FRMD4A: variants seen among roughly 807,000 people sequenced by gnomAD.
FRMD4A encodes the protein FERM domain-containing protein 4A.
FRMD4A carries 29 observed loss-of-function variants against 129.1 expected under a neutral mutation model. The ratio of observed to expected loss-of-function variants is 0.22; its 90% CI spans 0.17 to 0.31. The LOEUF (loss-of-function observed/expected upper bound fraction) is 0.31, where lower values mean the gene tolerates loss of function less well. Among genes scored for constraint, FRMD4A ranks in the 10% least tolerant of loss-of-function variants. FRMD4A has a pLI of 1.00. For synonymous variants in FRMD4A, 634 were observed against 571.6 expected (o/e 1.11, Z -1.56); for missense variants, 1,272 against 1,375.8 (o/e 0.92, Z 1.19).
chr10:14,139,647 G>A (rs943671311), intron 2 of FRMD4A, among the ~76,000 whole-genome samples: 1 of 151,702 alleles, frequency 6.6e-6, no homozygotes, highest in Non-Finnish European at 1.5e-5. Flanking sequence ...ATGGGGTCTT[G>A]CCATGTTGCC....
intron 6 of FRMD4A, among the ~76,000 whole-genome samples, chr10:13,776,137 C>G (rs1233412872): frequency 6.6e-6 from 1 of 152,078 alleles, no homozygotes; most frequent in Non-Finnish European, 1.5e-5. Flanking sequence ...AAGTCTCGCT[C>G]TGTCCACCGG....
intron 2 of FRMD4A, among the ~76,000 whole-genome samples, chr10:14,107,564 C>G (rs943034120): frequency 6.6e-6 from 1 of 152,170 alleles, no homozygotes; most frequent in Non-Finnish European, 1.5e-5. Flanking sequence ...ATCATTATCT[C>G]ATTCACTTTG....
intron 2 of FRMD4A, among the ~76,000 whole-genome samples, chr10:14,240,032 C>T (rs1339700868): frequency 6.6e-6 from 1 of 152,168 alleles, no homozygotes. Context: ...TATTGATTTA[C>T]AGGATGCTCC....
At chr10:13,944,689 T>G (rs927536814) in intron 2 of FRMD4A, among the ~76,000 whole-genome samples, 2 of 152,216 alleles carry the variant, frequency 1.3e-5, no homozygotes, top group African/African-American at 4.8e-5. Context: ...AAAACTCTTC[T>G]GTTATATATT....
chr10:14,278,527 G>T (rs1190085081), intron 2 of FRMD4A, among the ~76,000 whole-genome samples: 1 of 152,122 alleles, frequency 6.6e-6, no homozygotes, highest in Non-Finnish European at 1.5e-5. Flanking sequence ...ACTCCTCCAA[G>T]CAGCTTTGAA....
rs148816621 is a variant in FRMD4A at position 13,837,690 on chromosome 10, C to T, written c.111+21157G>A. Among the ~76,000 whole-genome samples, 37 of 152,330 alleles carry T rather than the reference C, an allele frequency of 2.4e-4. 2 individuals carry two copies. Among genetic ancestry groups the T allele is most frequent in the African/African-American group, 8.2e-4 (34 of 41,576 alleles). ...ACAGGTACACTGACTGACAGTGCAA[C>T]CTTGCATTCAACAAGAAGATGTGAA... On this transcript the variant is annotated intron_variant, in intron 3 of 24. Coordinates refer to ENST00000357447, the MANE Select transcript of FRMD4A (RefSeq NM_018027.5).
intron 2 of FRMD4A, among the ~76,000 whole-genome samples, chr10:14,287,487 C>G (rs1845719207): frequency 6.6e-6 from 1 of 152,042 alleles, no homozygotes; most frequent in African/African-American, 2.4e-5. Flanking sequence ...TTCTCTGAGC[C>G]ACATAAATAT....
intron 2 of FRMD4A, among the ~76,000 whole-genome samples, chr10:13,864,048 T>G (rs2094330485): frequency 6.6e-6 from 1 of 151,930 alleles, no homozygotes; most frequent in African/African-American, 2.4e-5. Context: ...CAGGCTGGAG[T>G]GCAGTGGCAT....
intron 2 of FRMD4A, among the ~76,000 whole-genome samples, chr10:14,137,880 T>C (rs577956545): frequency 6.6e-6 from 1 of 152,304 alleles, no homozygotes; most frequent in East Asian, 1.9e-4. Context: ...TGAGATGAGA[T>C]TATGTAAGCC....
intron 2 of FRMD4A, among the ~76,000 whole-genome samples, chr10:14,279,681 G>C (rs1845455353): frequency 2.0e-5 from 3 of 152,210 alleles, no homozygotes; most frequent in Non-Finnish European, 2.9e-5. Flanking sequence ...TTAAGGGAAA[G>C]TTGGAACCTG....
At chr10:14,314,389 C>T (rs1192450721) in intron 2 of FRMD4A, among the ~76,000 whole-genome samples, 1 of 152,168 alleles carries the variant, frequency 6.6e-6, no homozygotes, top group African/African-American at 2.4e-5. Flanking sequence ...TTAAGATCTC[C>T]AGCCTCTATA....
chr10:14,125,803 A>G (rs887717110), intron 2 of FRMD4A, among the ~76,000 whole-genome samples: 1 of 152,212 alleles, frequency 6.6e-6, no homozygotes, highest in African/African-American at 2.4e-5. Context: ...TTCCAGGCTG[A>G]TAAGGAGAAA....
At chr10:13,698,225 T>G (rs2086424952) in intron 14 of FRMD4A, among the ~76,000 whole-genome samples, 1 of 152,150 alleles carries the variant, frequency 6.6e-6, no homozygotes, top group Admixed American at 6.5e-5. Context: ...CCTTGCTGAC[T>G]CGAACCACTA....
intron 2 of FRMD4A, among the ~76,000 whole-genome samples, chr10:14,319,540 A>G (rs957627203): frequency 4.6e-5 from 7 of 152,344 alleles, no homozygotes; most frequent in African/African-American, 1.7e-4. Context: ...AATCACCAAG[A>G]CTTCTTCAAT....
At chr10:13,660,895 TGCTAA>T (rs765383639) in intron 19 of FRMD4A, among the ~76,000 whole-genome samples, 72 of 152,282 alleles carry the variant, frequency 4.7e-4, no homozygotes, top group South Asian at 1.9e-3. Context: ...ACTGCTGTAG[TGCTAA>T]GTTGTCTTTC....
At chr10:13,765,952 C>T (rs781023159) in intron 6 of FRMD4A, among the ~76,000 whole-genome samples, 6 of 152,200 alleles carry the variant, frequency 3.9e-5, no homozygotes, top group Non-Finnish European at 7.3e-5. Context: ...CAATGGTCGA[C>T]TGCGGGCTAA....
At chr10:13,901,861 TG>T (rs1565003473) in intron 2 of FRMD4A, among the ~76,000 whole-genome samples, 2 of 152,122 alleles carry the variant, frequency 1.3e-5, no homozygotes, top group Non-Finnish European at 2.9e-5. Context: ...AGTGATGACT[TG>T]GGAGGCAATG....
chr10:13,693,415 G>A (rs2085911555), intron 15 of FRMD4A: 8 of 648,184 alleles, frequency 1.2e-5, no homozygotes, highest in Non-Finnish European at 1.7e-5. Context: ...GGCACTGAAT[G>A]GAGAAATCAT....
intron 2 of FRMD4A, among the ~76,000 whole-genome samples, chr10:14,203,865 C>G (rs912413353): frequency 4.5e-4 from 69 of 152,342 alleles, no homozygotes; most frequent in African/African-American, 1.7e-3. Flanking sequence ...GTTATTCCAG[C>G]TGTCCTGAGG....
Sources: allele counts gnomAD v4.1 joint callset (sites outside exome capture counted in the v4.1 genomes callset), GRCh38; gene constraint gnomAD v4.1.1; transcripts MANE v1.5; gene names NCBI Gene and HGNC (gene_info 2026-07-23, HGNC 2026-07-21).